Variants in PECAM1 observed in about 807,000 individuals in gnomAD.
The protein encoded by PECAM1 is platelet and endothelial cell adhesion molecule 1.
A neutral mutation model predicts 13.8 loss-of-function variants in PECAM1; 8 were observed. That is an observed-to-expected ratio of 0.58 (90% CI 0.34 to 1.05). PECAM1 has a LOEUF of 1.05. Among genes scored for constraint, PECAM1 ranks in the 50% least tolerant of loss-of-function variants. The pLI is 0.03. For missense variants in PECAM1, 304 were observed against 141.2 expected (o/e 2.15, Z -5.84); for synonymous variants, 136 against 52.6 (o/e 2.58, Z -6.86).
At position 64,322,641 on chromosome 17, in the gene PECAM1, C is replaced by T; in HGVS notation, c.*1175G>A. 1 of 985,354 alleles carries T rather than the reference C, an allele frequency of 1.0e-6. No individual in the cohort carries two copies. The highest frequency in any genetic ancestry group is 1.2e-6 in the Non-Finnish European group (1 of 829,866). 61.0% of individuals were successfully genotyped at this position (985,354 alleles called of 1,614,324 possible). A position where few individuals can be genotyped will look rare whatever the true frequency, so the allele number is the denominator to read the frequency against. The stretch of plus-strand genomic sequence containing the variant: ...AAATTCCACAGCGCAATGACAGCAG[C>T]CTCTCTCCCACCCACTCAAGACACT... On this transcript the variant is annotated 3_prime_UTR_variant, in exon 16 of 16. Transcript: ENST00000563924.
chr17:64,348,116 C>G lies in PECAM1; in HGVS notation c.2107+144G>C, dbSNP rs897213789. 4.7e-4 allele frequency: 189 copies of G among 401,338 alleles called. 1 individual carries two copies. The highest frequency in any genetic ancestry group is 2.5e-3 in the Middle Eastern group (4 of 1,580). 24.9% of individuals were successfully genotyped at this position (401,338 alleles called of 1,614,324 possible). A position where few individuals can be genotyped will look rare whatever the true frequency, so the allele number is the denominator to read the frequency against. On this transcript the variant is annotated intron_variant, in intron 13 of 15. Coordinates refer to ENST00000563924, the MANE Select transcript of PECAM1 (RefSeq NM_000442.5). ...GGGCCTTTGCTCCTTCCAGTCTTAG[C>G]AGGCCGGTAGGTCTGCTAATCACTT...
intron 2 of PECAM1, among the ~76,000 whole-genome samples, chr17:64,382,699 T>C (rs2036507071): frequency 6.6e-6 from 1 of 151,436 alleles, no homozygotes; most frequent in Non-Finnish European, 1.5e-5. Context: ...TAAAGCTGTG[T>C]CTCCACTACA....
rs2036074927 is a variant in PECAM1, at chr17:64,365,147, C to T, written c.968-1750G>A. Among the ~76,000 whole-genome samples the T allele has an allele frequency of 2.0e-5, 3 of 149,186 alleles. No homozygotes were observed. The South Asian group carries it at 6.4e-4, about 32-fold the overall frequency. On this transcript the variant is annotated intron_variant, in intron 5 of 15. Transcript: ENST00000563924. ...AGTCTCAGGATACAAAATCAATGTA[C>T]AAAAATCACAAGCATTCTTATACAC...
intron 14 of PECAM1, among the ~76,000 whole-genome samples, chr17:64,335,413 A>AC (rs2035251890): frequency 6.6e-6 from 1 of 152,182 alleles, no homozygotes; most frequent in Admixed American, 6.5e-5. Context: ...AAAAAAAAAA[A>AC]AGTAGACAAA....
At chr17:64,330,374 G>A (rs2035075660) in intron 14 of PECAM1, among the ~76,000 whole-genome samples, 1 of 151,880 alleles carries the variant, frequency 6.6e-6, no homozygotes, top group Non-Finnish European at 1.5e-5. Context: ...TGGGTGTGGT[G>A]GCTCATGCCT....
chr17:64,321,879 A>G lies in PECAM1; in HGVS notation c.*1937T>C. ...CCTTCTCTGGTGGTGGCAAGGGACT[A>G]AGGAACTCCCTGGACACAGGGGATC... On this transcript the variant is annotated 3_prime_UTR_variant, in exon 16 of 16. Coordinates refer to ENST00000563924, the MANE Select transcript of PECAM1 (RefSeq NM_000442.5). 1 of 1,350,086 alleles carries G rather than the reference A, an allele frequency of 7.4e-7. No homozygotes were observed. The highest frequency in any genetic ancestry group is 1.1e-5 in the South Asian group (1 of 88,010). The allele number at this position is 1,350,086 out of a possible 1,614,324, so 83.6% of individuals were successfully genotyped here.
At chr17:64,380,655 A>G (rs2036462660) in intron 2 of PECAM1, among the ~76,000 whole-genome samples, 2 of 152,198 alleles carry the variant, frequency 1.3e-5, no homozygotes, top group East Asian at 3.8e-4. Flanking sequence ...AGATGACATG[A>G]TATGTAAAAA....
intron 14 of PECAM1, among the ~76,000 whole-genome samples, chr17:64,338,990 G>T (rs1033322205): frequency 3.3e-5 from 5 of 152,122 alleles, no homozygotes; most frequent in South Asian, 4.1e-4. Flanking sequence ...TGTCCAATTC[G>T]CAGGGCCCCA....
chr17:64,363,935 A>G (rs1199225610), intron 5 of PECAM1, among the ~76,000 whole-genome samples: 1 of 152,006 alleles, frequency 6.6e-6, no homozygotes, highest in Non-Finnish European at 1.5e-5. Context: ...CAAGAATGAA[A>G]CTCCTTAAGC....
chr17:64,374,032 T>C (rs928373994), intron 4 of PECAM1, among the ~76,000 whole-genome samples: 2 of 152,162 alleles, frequency 1.3e-5, no homozygotes, highest in Non-Finnish European at 2.9e-5. Context: ...AACGCAAATC[T>C]ACGTTGAACA....
chr17:64,365,145 T>C (rs2036074765), intron 5 of PECAM1, among the ~76,000 whole-genome samples: 2 of 149,456 alleles, frequency 1.3e-5, no homozygotes, highest in Non-Finnish European at 1.5e-5. Context: ...AAAATCAATG[T>C]ACAAAAATCA....
At chr17:64,352,097 A>G (rs899202854) in intron 11 of PECAM1, among the ~76,000 whole-genome samples, 12 of 152,224 alleles carry the variant, frequency 7.9e-5, no homozygotes, top group African/African-American at 2.2e-4. Flanking sequence ...ATGGAGAATT[A>G]TAATATTACG....
chr17:64,335,153 C>A (rs1159127645), intron 14 of PECAM1, among the ~76,000 whole-genome samples: 1 of 152,062 alleles, frequency 6.6e-6, no homozygotes, highest in Non-Finnish European at 1.5e-5. Context: ...TAATAAAGCC[C>A]GAGGACCACT....
intron 14 of PECAM1, among the ~76,000 whole-genome samples, chr17:64,332,678 C>T (rs2035157834): frequency 1.3e-5 from 2 of 152,226 alleles, no homozygotes; most frequent in African/African-American, 4.8e-5. Context: ...CTCTTCTCTT[C>T]CTCCCATAGG....
Position 64,321,961 on chromosome 17 carries a change from T to G in PECAM1, c.*1855A>C. 7.6e-7 allele frequency: 1 copy of G among 1,307,754 alleles called. No homozygotes were observed. Among genetic ancestry groups the G allele is most frequent in the Non-Finnish European group, 1.0e-6 (1 of 990,018 alleles). 81.0% of individuals were successfully genotyped at this position (1,307,754 alleles called of 1,614,324 possible). A position where few individuals can be genotyped will look rare whatever the true frequency, so the allele number is the denominator to read the frequency against. On this transcript the variant is annotated 3_prime_UTR_variant, in exon 16 of 16. Coordinates refer to ENST00000563924, the MANE Select transcript of PECAM1 (RefSeq NM_000442.5). ...AAGGTCGTTAGAGGTCGTCTGATCC[T>G]TTGACCTCAATCTGAGCCCACCACT...
rs956241339 is a variant in PECAM1 at position 64,320,464 on chromosome 17, A to T, written c.*3352T>A. 2 of 152,218 alleles carry T rather than the reference A, an allele frequency of 1.3e-5. No individual in the cohort carries two copies. Among genetic ancestry groups the T allele is most frequent in the African/African-American group, 4.8e-5 (2 of 41,280 alleles). The allele number at this position is 152,218 out of a possible 1,614,324, so 9.4% of individuals were successfully genotyped here. A position where few individuals can be genotyped will look rare whatever the true frequency, so the allele number is the denominator to read the frequency against. On this transcript the variant is annotated 3_prime_UTR_variant, in exon 16 of 16. Coordinates refer to ENST00000563924, the MANE Select transcript of PECAM1 (RefSeq NM_000442.5). ...CTTCCTTTTGTCCTCAATGTTCTTC[A>T]CCCCACCTTTTCCACTGGTACCCTC...
intron 2 of PECAM1, among the ~76,000 whole-genome samples, chr17:64,384,391 G>A (rs1312484074): frequency 6.6e-6 from 1 of 151,532 alleles, no homozygotes; most frequent in Non-Finnish European, 1.5e-5. Flanking sequence ...CCTTCAAGAT[G>A]CCCCCCCCAA....
At chr17:64,360,646 C>T (rs984921963) in intron 6 of PECAM1, among the ~76,000 whole-genome samples, 7 of 141,352 alleles carry the variant, frequency 5.0e-5, no homozygotes, top group Middle Eastern at 3.9e-3. Flanking sequence ...AAGAGAAGTA[C>T]AATAAGCAAA....
intron 14 of PECAM1, 37 bp from the exon 15 acceptor site, chr17:64,329,759 A>C: frequency 1.3e-6 from 1 of 759,912 alleles, no homozygotes; most frequent in Non-Finnish European, 2.5e-6. Context: ...TGAGCAACGC[A>C]AATAACCCAG....
Sources: gnomAD v4.1 joint callset for allele counts (sites outside exome capture counted in the v4.1 genomes callset) on GRCh38, gnomAD v4.1.1 for gene constraint, MANE v1.5 for transcripts, NCBI Gene and HGNC (gene_info 2026-07-23, HGNC 2026-07-21) for gene names.